The following TMEM132C variants were observed in gnomAD, a reference collection of about 807,000 sequenced individuals.
TMEM132C encodes the protein transmembrane protein 132C, also known as protein phosphatase 1, regulatory subunit 152.
Under a neutral mutation model 61.4 loss-of-function variants are expected in TMEM132C, and 29 were observed. The ratio of observed to expected loss-of-function variants is 0.47; its 90% CI spans 0.35 to 0.64. The LOEUF (loss-of-function observed/expected upper bound fraction) is 0.64. TMEM132C is among the 30% of genes least tolerant of loss of function. The pLI, the probability that TMEM132C is intolerant of heterozygous loss-of-function variation, is 0.00. For missense variants in TMEM132C, 1,408 were observed against 1,476.9 expected (o/e 0.95, Z 0.76); for synonymous variants, 656 against 633.1 (o/e 1.04, Z -0.54).
At chr12:128,476,398 G>C (rs1003704967) in intron 2 of TMEM132C, among the ~76,000 whole-genome samples, 1 of 152,286 alleles carries the variant, frequency 6.6e-6, no homozygotes. Flanking sequence ...CAAGGCCACA[G>C]AACGAAGCTT....
intron 5 of TMEM132C, among the ~76,000 whole-genome samples, chr12:128,677,246 G>T (rs79195986): frequency 6.6e-6 from 1 of 152,094 alleles, no homozygotes. Context: ...TATCCAGTCC[G>T]TGTTTTTCAC....
intron 2 of TMEM132C, among the ~76,000 whole-genome samples, chr12:128,532,055 T>C (rs965199020): frequency 1.3e-5 from 2 of 152,226 alleles, no homozygotes; most frequent in Non-Finnish European, 2.9e-5. Flanking sequence ...AGATTTCAGA[T>C]ACAAAGCTGC....
At chr12:128,507,809 A>T (rs1872427101) in intron 2 of TMEM132C, among the ~76,000 whole-genome samples, 1 of 152,222 alleles carries the variant, frequency 6.6e-6, no homozygotes, top group Non-Finnish European at 1.5e-5. Flanking sequence ...CTTCTCTGTG[A>T]GTAATCATAT....
chr12:128,456,013 G>A (rs370291241), intron 2 of TMEM132C, among the ~76,000 whole-genome samples: 10 of 152,172 alleles, frequency 6.6e-5, no homozygotes, highest in South Asian at 6.2e-4. Context: ...TGGCAAATAC[G>A]TCAGCTTTGC....
At chr12:128,269,689 TC>T (rs1448606714) in intron 1 of TMEM132C, among the ~76,000 whole-genome samples, 1 of 152,174 alleles carries the variant, frequency 6.6e-6, no homozygotes, top group East Asian at 1.9e-4. Flanking sequence ...AAATACATTT[TC>T]CGTTTGTTTC....
chr12:128,319,365 G>GAGAGAGAC lies in TMEM132C; in HGVS notation c.85+51889_85+51896dup, dbSNP rs201419042. ...AAGATTTGCAGTCCCGAGAGAGAGA[G>GAGAGAGAC]AGAGAGACAGAGAGACAGTGTGTGT... On this transcript the variant is annotated intron_variant, in intron 1 of 8. Coordinates refer to ENST00000435159, the MANE Select transcript of TMEM132C (RefSeq NM_001136103.3). Among the ~76,000 whole-genome samples, 716 of 149,766 alleles carry GAGAGAGAC rather than the reference G, an allele frequency of 4.8e-3. 1 individual carries two copies. Among genetic ancestry groups the GAGAGAGAC allele is most frequent in the Middle Eastern group, 0.01 (3 of 288 alleles).
At chr12:128,643,583 T>G (rs1256276832) in intron 4 of TMEM132C, among the ~76,000 whole-genome samples, 1 of 152,020 alleles carries the variant, frequency 6.6e-6, no homozygotes, top group African/African-American at 2.4e-5. Flanking sequence ...GACACTGTAT[T>G]TGCTGGGATA....
At chr12:128,296,241 G>A (rs1871410771) in intron 1 of TMEM132C, among the ~76,000 whole-genome samples, 1 of 152,204 alleles carries the variant, frequency 6.6e-6, no homozygotes, top group Non-Finnish European at 1.5e-5. Context: ...GCTTTGGGCT[G>A]CAAGTAATAA....
intron 2 of TMEM132C, among the ~76,000 whole-genome samples, chr12:128,497,624 C>T (rs1021184213): frequency 1.3e-5 from 2 of 152,218 alleles, no homozygotes; most frequent in African/African-American, 4.8e-5. Flanking sequence ...ATGGGACCCT[C>T]TGAGCCAGGT....
At chr12:128,623,814 A>T (rs1442963916) in intron 4 of TMEM132C, among the ~76,000 whole-genome samples, 1 of 152,214 alleles carries the variant, frequency 6.6e-6, no homozygotes, top group Non-Finnish European at 1.5e-5. Context: ...TCTCAAAAAA[A>T]AAAATGATGA....
intron 2 of TMEM132C, among the ~76,000 whole-genome samples, chr12:128,440,483 C>T (rs916893104): frequency 6.6e-6 from 1 of 152,240 alleles, no homozygotes; most frequent in African/African-American, 2.4e-5. Context: ...CCTGCTGCCA[C>T]GGCCCCTGAA....
At chr12:128,395,518 T>C (rs1441743251) in intron 1 of TMEM132C, among the ~76,000 whole-genome samples, 3 of 152,198 alleles carry the variant, frequency 2.0e-5, no homozygotes, top group Non-Finnish European at 2.9e-5. Context: ...AGTTTGAAAA[T>C]ACATTTAATA....
chr12:128,626,912 C>T (rs552233834), intron 4 of TMEM132C, among the ~76,000 whole-genome samples: 4 of 152,290 alleles, frequency 2.6e-5, no homozygotes, highest in South Asian at 2.1e-4. Context: ...CAGAAGGAAA[C>T]GCTCACTCCA....
intron 1 of TMEM132C, among the ~76,000 whole-genome samples, chr12:128,351,051 A>G (rs1873322456): frequency 6.6e-6 from 1 of 152,210 alleles, no homozygotes; most frequent in Non-Finnish European, 1.5e-5. Context: ...CAACTGTCCA[A>G]GAACCCAAGA....
At chr12:128,508,849 A>G (rs898368960) in intron 2 of TMEM132C, among the ~76,000 whole-genome samples, 7 of 152,130 alleles carry the variant, frequency 4.6e-5, no homozygotes, top group Non-Finnish European at 1.5e-5. Flanking sequence ...ATATCATACC[A>G]TATCATATCA....
intron 3 of TMEM132C, among the ~76,000 whole-genome samples, chr12:128,583,749 C>G (rs79607794): frequency 2.0e-5 from 3 of 152,232 alleles, no homozygotes; most frequent in Non-Finnish European, 2.9e-5. Context: ...AGCCGCCCCC[C>G]GCCCCACCCC....
At chr12:128,385,822 G>A (rs1358138559) in intron 1 of TMEM132C, among the ~76,000 whole-genome samples, 1 of 152,216 alleles carries the variant, frequency 6.6e-6, no homozygotes, top group Non-Finnish European at 1.5e-5. Flanking sequence ...CTGCGGCTCT[G>A]ATTTGCCGCA....
chr12:128,515,612 T>C (rs1365766709), intron 2 of TMEM132C, among the ~76,000 whole-genome samples: 1 of 152,130 alleles, frequency 6.6e-6, no homozygotes, highest in Non-Finnish European at 1.5e-5. Flanking sequence ...GGCGGGTGGA[T>C]CACGAGGTCA....
Position 128,616,174 on chromosome 12 carries a change from G to A in TMEM132C, c.1144G>A (p.Val382Ile). ...CAGGAGCAGCAGTTTATTCAATGAG[G>A]TTGTGCAGATGAACTTTGAAATAGC... Reference protein sequence around the residue: ...RNRSSSLFNEVVQMNFEIASF... With the variant: ...RNRSSSLFNEIVQMNFEIASF... Residue 382 changes from valine to isoleucine, a missense_variant, in exon 4 of 9, where the codon GTT becomes ATT. Coordinates refer to ENST00000435159, the MANE Select transcript of TMEM132C (RefSeq NM_001136103.3). 1 of 1,551,720 alleles carries A rather than the reference G, an allele frequency of 6.4e-7. No individual in the cohort carries two copies. The highest frequency in any genetic ancestry group is 8.7e-7 in the Non-Finnish European group (1 of 1,146,968).
Sources: allele counts gnomAD v4.1 joint callset (sites outside exome capture counted in the v4.1 genomes callset), GRCh38; gene constraint gnomAD v4.1.1; transcripts MANE v1.5; gene names NCBI Gene and HGNC (gene_info 2026-07-23, HGNC 2026-07-21).